The following NOXRED1 variants were observed in gnomAD, a reference collection of about 807,000 sequenced individuals.
NOXRED1 encodes the protein NADP dependent oxidoreductase domain containing 1, also known as NADP-dependent oxidoreductase domain-containing protein 1.
A neutral mutation model predicts 30.4 loss-of-function variants in NOXRED1; 20 were observed. The ratio of observed to expected loss-of-function variants is 0.66; its 90% CI spans 0.46 to 0.96. The LOEUF is 0.96. Among genes scored for constraint, NOXRED1 ranks in the 40% least tolerant of loss-of-function variants. The probability of loss-of-function intolerance (pLI) is 0.00; values close to 1 mark genes in which losing one functional copy is unlikely to be tolerated. For missense variants in NOXRED1, 374 were observed against 428.0 expected (o/e 0.87, Z 1.11); for synonymous variants, 155 against 168.0 (o/e 0.92, Z 0.60).
chr14:77,425,082 C>T (rs533485584), upstream of NOXRED1, among the ~76,000 whole-genome samples: 5 of 152,324 alleles, frequency 3.3e-5, no homozygotes, highest in Admixed American at 2.6e-4. Flanking sequence ...GGGACACCCA[C>T]CTCATCAAGG....
chr14:77,396,479 C>T (rs953398164), intron 5 of NOXRED1, among the ~76,000 whole-genome samples: 4 of 152,022 alleles, frequency 2.6e-5, no homozygotes, highest in Non-Finnish European at 5.9e-5. Flanking sequence ...GAACTCCTGA[C>T]CTCAGGTGAT....
intron 5 of NOXRED1, among the ~76,000 whole-genome samples, chr14:77,402,505 A>T (rs1035914049): frequency 6.6e-6 from 1 of 152,120 alleles, no homozygotes; most frequent in African/African-American, 2.4e-5. Flanking sequence ...ATGGTGGTGC[A>T]TGCCTGTAAT....
At chr14:77,415,878 G>A (rs1275553040) in intron 1 of NOXRED1, among the ~76,000 whole-genome samples, 4 of 151,968 alleles carry the variant, frequency 2.6e-5, no homozygotes, top group Non-Finnish European at 4.4e-5. Flanking sequence ...CCCACGCCCA[G>A]CTAATTTTTG....
chr14:77,405,990 T>G lies in NOXRED1; in HGVS notation c.828A>C (p.Lys276Asn), dbSNP rs770127845. ...FLSVHFEDCGKDTASCPKLQL... is the reference protein window; with the variant it reads ...FLSVHFEDCGNDTASCPKLQL... ...GCAACTTTGGGCAAGATGCTGTGTC[T>G]TTCCCACAGTCTTCAAAGTGCACGG... Residue 276 changes from lysine to asparagine, a missense_variant, in exon 5 of 6, where the codon AAA (lysine) becomes AAC (asparagine). Physicochemically the swap from Lys to Asn is moderately conservative, Grantham distance 94. Coordinates refer to ENST00000380835, the MANE Select transcript of NOXRED1 (RefSeq NM_001113475.3). 4 of 1,613,770 alleles carry G rather than the reference T, an allele frequency of 2.5e-6. No individual in the cohort carries two copies. The South Asian group carries it at 4.4e-5, about 18-fold the overall frequency.
chr14:77,401,553 C>G (rs1483980662), intron 5 of NOXRED1, among the ~76,000 whole-genome samples: 7 of 152,094 alleles, frequency 4.6e-5, no homozygotes, highest in Non-Finnish European at 8.8e-5. Context: ...AAAAAATCAG[C>G]TGGGCACAAT....
intron 4 of NOXRED1, 198 bp from the exon 5 acceptor site, chr14:77,406,333 T>C: frequency 1.7e-6 from 1 of 600,272 alleles, no homozygotes. Flanking sequence ...GTGTTGACCA[T>C]CCCAAAAGTG....
intron 1 of NOXRED1, among the ~76,000 whole-genome samples, chr14:77,415,671 C>A (rs970348069): frequency 6.7e-6 from 1 of 150,316 alleles, no homozygotes; most frequent in African/African-American, 2.4e-5. Flanking sequence ...TGTGCAACAG[C>A]TCTTTAGAAC....
rs34015054 is a variant in NOXRED1, at chr14:77,419,427, GTT to G, written c.155+3306_155+3307del. ...AAGAGATAGTATTCTTGGTTGACAG[GTT>G]TTTTTTTTTCTTTTTCCTTTTTTTT... On this transcript the variant is annotated intron_variant, in intron 1 of 5. Coordinates refer to ENST00000380835, the MANE Select transcript of NOXRED1 (RefSeq NM_001113475.3). Among the ~76,000 whole-genome samples the G allele has an allele frequency of 6.6e-3, 873 of 132,932 alleles. 5 individuals carry two copies. Among genetic ancestry groups the G allele is most frequent in the Non-Finnish European group, 9.7e-3 (616 of 63,482 alleles). 87.2% of individuals were successfully genotyped at this position (132,932 alleles called of 152,430 possible).
chr14:77,400,063 AATATTT>A (rs1440971596), intron 5 of NOXRED1, among the ~76,000 whole-genome samples: 1 of 152,180 alleles, frequency 6.6e-6, no homozygotes, highest in Non-Finnish European at 1.5e-5. Context: ...AGTGCAGTGA[AATATTT>A]AAAGTGCAGG....
chr14:77,413,776 G>C (rs1894727239), intron 2 of NOXRED1, among the ~76,000 whole-genome samples, 158 bp downstream of exon 2: 2 of 152,184 alleles, frequency 1.3e-5, no homozygotes, highest in African/African-American at 4.8e-5. Context: ...TAAAGAACAG[G>C]AGAAAAGGCC....
At position 77,405,969 on chromosome 14, in the gene NOXRED1, C is replaced by CT; in HGVS notation, c.848dup (p.Leu284ValfsTer25). ...TGCTGACAAAATCTGTTAATTGCAA[C>CT]TTTGGGCAAGATGCTGTGTCTTTCC... On this transcript the variant is annotated frameshift_variant, in exon 5 of 6. Coordinates refer to ENST00000380835, the MANE Select transcript of NOXRED1 (RefSeq NM_001113475.3). LOFTEE classifies it high-confidence loss of function. The CT allele has an allele frequency of 6.2e-7, 1 of 1,613,834 alleles. No homozygotes were observed. The highest frequency in any genetic ancestry group is 8.5e-7 in the Non-Finnish European group (1 of 1,179,878).
rs753130664 is a variant in NOXRED1, at chr14:77,406,878, G to T, written c.531-3C>A. The T allele has an allele frequency of 1.1e-5, 18 of 1,612,296 alleles. No homozygotes were observed. Among genetic ancestry groups the T allele is most frequent in the Non-Finnish European group, 1.5e-5 (18 of 1,179,192 alleles). Reference sequence around the variant, plus strand: ...TGTGGTTCAACAGTAGTTTCAGCCTGGAAGTAAAGCCAAGACAGGGAGTGC... The same window carrying T: ...TGTGGTTCAACAGTAGTTTCAGCCTTGAAGTAAAGCCAAGACAGGGAGTGC... On this transcript the variant is annotated splice_region_variant and splice_polypyrimidine_tract_variant and intron_variant, in intron 3 of 5. Transcript: ENST00000380835.
intron 3 of NOXRED1, 40 bp downstream of exon 3, chr14:77,407,423 CAG>C (rs1295622954): frequency 6.9e-7 from 1 of 1,450,096 alleles, no homozygotes; most frequent in Non-Finnish European, 9.7e-7. Context: ...GATAAGGAGA[CAG>C]AGCAGTTGTG....
chr14:77,411,229 G>A (rs1189736515), intron 2 of NOXRED1, among the ~76,000 whole-genome samples: 1 of 152,100 alleles, frequency 6.6e-6, no homozygotes, highest in Non-Finnish European at 1.5e-5. Context: ...AGCACTTTGG[G>A]AGGCTGAGGT....
chr14:77,422,746 T>C lies in NOXRED1; in HGVS notation c.144A>G (p.Leu48=), dbSNP rs1429885679. 6.2e-7 allele frequency: 1 copy of C among 1,613,908 alleles called. No individual in the cohort carries two copies. Among genetic ancestry groups the C allele is most frequent in the Non-Finnish European group, 8.5e-7 (1 of 1,179,902 alleles). Residue 48 remains leucine (L), a synonymous_variant, in exon 1 of 6, where the codon TTA becomes TTG. Coordinates refer to ENST00000380835, the MANE Select transcript of NOXRED1 (RefSeq NM_001113475.3). ...GATACTCGGCTTACCTCAAATTATATAATAGTTTGCAGAAGAAGGTTGCAT... is the reference window on the plus strand; with the variant it reads ...GATACTCGGCTTACCTCAAATTATACAATAGTTTGCAGAAGAAGGTTGCAT... ...CAHATFFCKL[L]YNLRASLNKN...
chr14:77,413,970 T>C lies in NOXRED1; in HGVS notation c.313A>G (p.Ser105Gly). ...GGCCTCCGAGTGGAGATCCGCAGGC[T>C]TTCAGCAGGGATGGGGCCAAGCTGC... ...LLQLGPIPAE[S>G]LRISTRRPET... Residue 105 changes from serine (S) to glycine (G), a missense_variant, in exon 2 of 6, where the codon AGC (serine) becomes GGC (glycine). Coordinates refer to ENST00000380835, the MANE Select transcript of NOXRED1 (RefSeq NM_001113475.3). 6.2e-7 allele frequency: 1 copy of C among 1,603,730 alleles called. No homozygotes were observed. The highest frequency in any genetic ancestry group is 1.1e-5 in the South Asian group (1 of 89,832).
In NOXRED1 at chr14:77,406,016, A is replaced by T; in HGVS notation, c.802T>A (p.Ser268Thr). 1 of 1,613,706 alleles carries T rather than the reference A, an allele frequency of 6.2e-7. No individual in the cohort carries two copies. Among genetic ancestry groups the T allele is most frequent in the Non-Finnish European group, 8.5e-7 (1 of 1,179,740 alleles). ...TTCCCACAGTCTTCAAAGTGCACGG[A>T]GAGAAAGAGTTCACTCAGAAGCTGC... is the stretch of plus-strand genomic sequence containing the variant. The part of the protein sequence containing the change: ...VLQLLSELFL[S>T]VHFEDCGKDT... The change falls in exon 5 of 6, where the codon TCC becomes ACC. Residue 268 changes from serine (S) to threonine (T), a missense_variant. By Grantham distance (58) the Ser-to-Thr change is moderately conservative. Transcript: ENST00000380835.
intron 2 of NOXRED1, among the ~76,000 whole-genome samples, chr14:77,409,937 G>C (rs1042963037): frequency 1.3e-5 from 2 of 151,832 alleles, no homozygotes; most frequent in African/African-American, 4.8e-5. Context: ...CTGTAGCTGG[G>C]ATTCGAAGGT....
intron 1 of NOXRED1, among the ~76,000 whole-genome samples, chr14:77,419,006 G>A (rs1325548828): frequency 2.7e-5 from 4 of 150,764 alleles, no homozygotes; most frequent in Non-Finnish European, 5.9e-5. Context: ...AGCATTAGTT[G>A]TAAGGCAGGT....
Sources: gnomAD v4.1 joint callset for allele counts (sites outside exome capture counted in the v4.1 genomes callset) on GRCh38, gnomAD v4.1.1 for gene constraint, MANE v1.5 for transcripts, NCBI Gene and HGNC (gene_info 2026-07-23, HGNC 2026-07-21) for gene names.